Variants in TTN observed in about 807,000 individuals in gnomAD.
TTN encodes the protein titin.
A neutral mutation model predicts 3,223.0 loss-of-function variants in TTN; 1,525 were observed. That is an observed-to-expected ratio of 0.47 (90% CI 0.45 to 0.49). The LOEUF (loss-of-function observed/expected upper bound fraction) is 0.49. TTN is among the 20% of genes least tolerant of loss of function. The probability of loss-of-function intolerance (pLI) is 0.00; values close to 1 mark genes in which losing one functional copy is unlikely to be tolerated. For synonymous variants in TTN, 14,094 were observed against 15,161.0 expected, an observed-to-expected ratio of 0.93 and a Z score of 5.17; for missense variants, 40,786 against 43,424.0, an observed-to-expected ratio of 0.94 and a Z score of 5.40.
chr2:178,576,962 G>A lies in TTN; in HGVS notation c.69373C>T (p.Pro23125Ser). The A allele has an allele frequency of 6.2e-7, 1 of 1,613,334 alleles. No homozygotes were observed. Among genetic ancestry groups the A allele is most frequent in the South Asian group, 1.1e-5 (1 of 91,052 alleles). The change falls in exon 324 of 363, where the codon CCT (proline) becomes TCT (serine). Residue 23125 changes from proline to serine, a missense_variant. Pro to Ser is a moderately conservative substitution (Grantham distance 74). Coordinates refer to ENST00000589042, the MANE Select transcript of TTN (RefSeq NM_001267550.2). This position sits in a 1 kb window ranked among gnomAD's most constrained non-coding sequence, Gnocchi z 4.3. ...ATTTTGACAGGTTCAGACTGTACAG[G>A]TTCTCCTTTGCCATAGTGGTTTACA... ...SAVNHYGKGE[P>S]VQSEPVKMVD...
At chr2:178,787,844 C>T (rs926632463) in intron 13 of TTN, among the ~76,000 whole-genome samples, 1 of 152,056 alleles carries the variant, frequency 6.6e-6, no homozygotes, top group Non-Finnish European at 1.5e-5. Context: ...CTGGTAACCG[C>T]TTTTATTTCT....
At chr2:178,625,533 A>G (rs1345018057) in intron 240 of TTN, 137 bp from the exon 241 acceptor site, 2 of 888,088 alleles carry the variant, frequency 2.3e-6, no homozygotes, top group African/African-American at 3.5e-5. Flanking sequence ...TATGCATTCA[A>G]AAATCATTTC....
intron 336 of TTN, 184 bp from the exon 337 acceptor site, chr2:178,550,457 CTAT>C: frequency 5.3e-6 from 3 of 561,140 alleles, no homozygotes; most frequent in Non-Finnish European, 9.2e-6. Context: ...AAATATTTGC[CTAT>C]TATTATTCCC....
Position 178,605,683 on chromosome 2 carries a change from T to C in TTN, c.53612A>G (p.Tyr17871Cys). 1 of 1,584,936 alleles carries C rather than the reference T, an allele frequency of 6.3e-7. No homozygotes were observed. Among genetic ancestry groups the C allele is most frequent in the Non-Finnish European group, 8.6e-7 (1 of 1,162,750 alleles). The stretch of plus-strand genomic sequence containing the variant: ...GATAGTGGACTTTGTCCTTTCAGTG[T>C]ATGTGAGCCTCTCTGGAGATGTTGG... ...GPPTSPERLT[Y>C]TERTKSTITL... The change falls in exon 279 of 363, where the codon TAC (tyrosine) becomes TGC (cysteine). Residue 17871 changes from tyrosine to cysteine, a missense_variant. By Grantham distance (194) the Tyr-to-Cys change is radical (BLOSUM62 -2). Transcript: ENST00000589042.
At chr2:178,681,592 T>C in intron 136 of TTN, 69 bp downstream of exon 136, 1 of 1,511,792 alleles carries the variant, frequency 6.6e-7, no homozygotes, top group East Asian at 2.3e-5. Flanking sequence ...TTTACATATA[T>C]TTTTATAGTA....
chr2:178,614,092 T>A lies in TTN; in HGVS notation c.49305A>T (p.Glu16435Asp), dbSNP rs1407270484. 1.2e-6 allele frequency: 2 copies of A among 1,612,424 alleles called. No individual in the cohort carries two copies. The highest frequency in any genetic ancestry group is 1.7e-5 in the Admixed American group (1 of 59,868). Residue 16435 changes from glutamate (E) to aspartate (D), a missense_variant, in exon 262 of 363, where the codon GAA becomes GAT. By Grantham distance (45) the Glu-to-Asp change is conservative (BLOSUM62 2). Coordinates refer to ENST00000589042, the MANE Select transcript of TTN (RefSeq NM_001267550.2). ...CTGTTATTGGAGAGGCCTGAACTGG[T>A]TCACCAACACCATACATGTTTTCTG... Reference protein sequence around the residue: ...VAAENMYGVGEPVQASPITAK... With the variant: ...VAAENMYGVGDPVQASPITAK...
At chr2:178,629,114 G>A (rs749968726) in intron 240 of TTN, among the ~76,000 whole-genome samples, 187 bp downstream of exon 240, 2 of 151,898 alleles carry the variant, frequency 1.3e-5, no homozygotes, top group African/African-American at 4.8e-5. Context: ...AAATCATCAG[G>A]TTAAACCTAA....
Position 178,557,539 on chromosome 2 carries a change from T to C in TTN, c.87723A>G (p.Pro29241=). ...VKLPYTTPGP[P]STPWVTNVTR... is the part of the protein sequence containing the mutation. The stretch of plus-strand genomic sequence containing the variant: ...TAACATTAGTGACCCATGGTGTAGA[T>C]GGTGGTCCAGGTGTTGCTACAAAAG... Residue 29241 remains proline, a synonymous_variant, in exon 329 of 363, where the codon CCA becomes CCG. Coordinates refer to ENST00000589042, the MANE Select transcript of TTN (RefSeq NM_001267550.2). 1.2e-6 allele frequency: 2 copies of C among 1,611,124 alleles called. No individual in the cohort carries two copies. Among genetic ancestry groups the C allele is most frequent in the Non-Finnish European group, 8.5e-7 (1 of 1,178,838 alleles).
intron 292 of TTN, 45 bp from the exon 293 acceptor site, chr2:178,598,103 T>C: frequency 6.3e-7 from 1 of 1,581,918 alleles, no homozygotes; most frequent in Non-Finnish European, 8.6e-7. Context: ...TAGTTCTTTG[T>C]AGCTTCTTGC....
In TTN at chr2:178,615,755, C is replaced by T. The variant is rs367769671; in HGVS notation, c.48346G>A (p.Val16116Ile). Reference sequence around the variant, plus strand: ...TCTTTTCCTTGAACAAGATCAGGAACTGTGAATTCTAGATCAGTCACAAAG... The same window carrying T: ...TCTTTTCCTTGAACAAGATCAGGAATTGTGAATTCTAGATCAGTCACAAAG... The part of the protein sequence containing the change: ...MDFVTDLEFT[V>I]PDLVQGKEYL... The change falls in exon 258 of 363, where the codon GTT (valine) becomes ATT (isoleucine). Residue 16116 changes from valine (V) to isoleucine (I), a missense_variant. By Grantham distance (29) the Val-to-Ile change is conservative. Transcript: ENST00000589042. 84 of 1,611,860 alleles carry T rather than the reference C, an allele frequency of 5.2e-5. No homozygotes were observed. Among genetic ancestry groups the T allele is most frequent in the Non-Finnish European group, 6.9e-5 (81 of 1,178,746 alleles).
chr2:178,528,378 G>C lies in TTN; in HGVS notation c.107273C>G (p.Ser35758Cys), dbSNP rs1318791339. 4 of 1,613,936 alleles carry C rather than the reference G, an allele frequency of 2.5e-6. No homozygotes were observed. The South Asian group carries it at 4.4e-5, about 18-fold the overall frequency. ...VSISRSRNVYSLEIRNASVSD... is the reference protein window; with the variant it reads ...VSISRSRNVYCLEIRNASVSD... ...GACTGATGCATTTCGGATTTCAAGG[G>C]AGTATACATTTCTGGAGCGGCTTAT... The change falls in exon 361 of 363, where the codon TCC (serine) becomes TGC (cysteine). Residue 35758 changes from serine to cysteine, a missense_variant. Ser to Cys is a moderately radical substitution (Grantham distance 112). Transcript: ENST00000589042.
intron 132 of TTN, 113 bp from the exon 133 acceptor site, chr2:178,684,195 A>C (rs2070195773): frequency 2.9e-6 from 4 of 1,383,370 alleles, no homozygotes; most frequent in Non-Finnish European, 4.0e-6. Flanking sequence ...TATTTCAAAC[A>C]TAAAACAACA....
chr2:178,595,487 A>AT lies in TTN; in HGVS notation c.57847+19dup, dbSNP rs111496283. 0.028 allele frequency: 31,664 copies of AT among 1,149,874 alleles called. 14 individuals are homozygous for AT. Among genetic ancestry groups the AT allele is most frequent in the African/African-American group, 0.036 (2,218 of 62,404 alleles). 71.2% of individuals were successfully genotyped at this position (1,149,874 alleles called of 1,614,324 possible). On this transcript the variant is annotated intron_variant, in intron 295 of 362. Coordinates refer to ENST00000589042, the MANE Select transcript of TTN (RefSeq NM_001267550.2). ...TGAGTAAAGAAGTGATTAAGTATAC[A>AT]TTTTTTTTTTTTTACTTACTTATTG...
rs2093998081 is a variant in TTN at position 178,800,376 on chromosome 2, C to T, written c.583+19G>A. ...CAGCTCTCTCCCCTTCTCTCTGTTCCTCAACCTCCAGCACGTACCTTGAAC... is the reference window on the plus strand; with the variant it reads ...CAGCTCTCTCCCCTTCTCTCTGTTCTTCAACCTCCAGCACGTACCTTGAAC... On this transcript the variant is annotated intron_variant, in intron 4 of 362. Coordinates refer to ENST00000589042, the MANE Select transcript of TTN (RefSeq NM_001267550.2). The T allele has an allele frequency of 6.2e-7, 1 of 1,614,060 alleles. No homozygotes were observed. Among genetic ancestry groups the T allele is most frequent in the African/African-American group, 1.3e-5 (1 of 75,040 alleles).
intron 152 of TTN, among the ~76,000 whole-genome samples, 176 bp from the exon 153 acceptor site, chr2:178,672,879 C>T (rs1031164946): frequency 4.0e-5 from 6 of 151,776 alleles, no homozygotes; most frequent in Non-Finnish European, 7.4e-5. Context: ...CTCATTTGTT[C>T]TAACATTCCT....
chr2:178,564,336 C>A lies in TTN; in HGVS notation c.81796G>T (p.Ala27266Ser), dbSNP rs2154162524. Residue 27266 changes from alanine to serine, a missense_variant, in exon 326 of 363, where the codon GCA (alanine) becomes TCA (serine). Physicochemically the swap from Ala to Ser is moderately conservative, Grantham distance 99. Transcript: ENST00000589042. Reference sequence around the variant, plus strand: ...TTTGGTGCATCAATTTCATCTCTTGCAGTAATGGCACCACTACTATCAGAT... The same window carrying A: ...TTTGGTGCATCAATTTCATCTCTTGAAGTAATGGCACCACTACTATCAGAT... ...EPSDSSGAIT[A>S]RDEIDAPNAS... 1 of 1,613,670 alleles carries A rather than the reference C, an allele frequency of 6.2e-7. No individual in the cohort carries two copies. The highest frequency in any genetic ancestry group is 8.5e-7 in the Non-Finnish European group (1 of 1,179,740).
intron 37 of TTN, among the ~76,000 whole-genome samples, chr2:178,769,478 G>C (rs1185889698): frequency 6.6e-6 from 1 of 151,488 alleles, no homozygotes; most frequent in African/African-American, 2.4e-5. Context: ...TTCCCAGCCT[G>C]GTCTCAAAAT....
intron 1 of TTN, 45 bp from the exon 2 acceptor site, chr2:178,804,700 C>T: frequency 1.9e-6 from 3 of 1,563,678 alleles, no homozygotes; most frequent in Non-Finnish European, 2.6e-6. Context: ...AGCTAAGGGT[C>T]ACTCTGGAGC....
rs151281257 is a variant in TTN, at chr2:178,609,964, A to C, written c.51459T>G (p.Asp17153Glu). Residue 17153 changes from aspartate to glutamate, a missense_variant, in exon 272 of 363, where the codon GAT becomes GAG. By Grantham distance (45) the Asp-to-Glu change is conservative. Coordinates refer to ENST00000589042, the MANE Select transcript of TTN (RefSeq NM_001267550.2). ...DPKQPPDPPVDVEVHNPTAEA... is the reference protein window; with the variant it reads ...DPKQPPDPPVEVEVHNPTAEA... ...CCGCTGTAGGATTATGAACCTCTAC[A>C]TCTACAGGTGGATCAGGGGGTTCTG... is the stretch of plus-strand genomic sequence containing the variant. 3.7e-5 allele frequency: 59 copies of C among 1,612,134 alleles called. No homozygotes were observed. The highest frequency in any genetic ancestry group is 2.0e-4 in the East Asian group (9 of 44,704).
Sources: gnomAD v4.1 joint callset for allele counts (sites outside exome capture counted in the v4.1 genomes callset) on GRCh38, gnomAD v4.1.1 for gene constraint, Gnocchi (gnomAD v3.1) non-coding constraint, MANE v1.5 for transcripts, NCBI Gene and HGNC (gene_info 2026-07-23, HGNC 2026-07-21) for gene names.